The following AUTS2 variants were observed in gnomAD, a reference collection of about 807,000 sequenced individuals.
AUTS2 encodes the protein autism susceptibility gene 2 protein.
AUTS2 carries 17 observed loss-of-function variants against 112.4 expected under a neutral mutation model. The observed-to-expected ratio is 0.15, with a 90% CI of 0.10 to 0.23. The LOEUF is 0.23. AUTS2 is among the 10% of genes least tolerant of loss of function. AUTS2 has a pLI of 1.00. For missense variants in AUTS2, 1,510 were observed against 1,701.6 expected, an observed-to-expected ratio of 0.89 and a Z score of 1.98; for synonymous variants, 751 against 702.7, an observed-to-expected ratio of 1.07 and a Z score of -1.09.
intron 4 of AUTS2, among the ~76,000 whole-genome samples, chr7:70,233,379 G>T (rs1416595167): frequency 1.3e-5 from 2 of 152,136 alleles, no homozygotes; most frequent in African/African-American, 4.8e-5. Context: ...AATGGTATAG[G>T]AACTGTATAC....
intron 2 of AUTS2, among the ~76,000 whole-genome samples, chr7:70,002,597 G>C (rs975962715): frequency 2.6e-5 from 4 of 152,112 alleles, no homozygotes; most frequent in African/African-American, 9.7e-5. Context: ...GATTATGTTT[G>C]AAAATCCAAC....
chr7:70,711,181 C>T (rs1315777243), intron 6 of AUTS2, among the ~76,000 whole-genome samples: 1 of 152,018 alleles, frequency 6.6e-6, no homozygotes, highest in Non-Finnish European at 1.5e-5. Flanking sequence ...GCCTTCTTTC[C>T]TTCTCAGGGC....
chr7:70,659,333 G>A (rs940845980), intron 5 of AUTS2, among the ~76,000 whole-genome samples: 20 of 152,310 alleles, frequency 1.3e-4, no homozygotes, highest in African/African-American at 3.9e-4. Flanking sequence ...AATGACACCC[G>A]TATTCTGATA....
rs571718305 is a variant in AUTS2 at position 70,566,667 on chromosome 7, A to G, written c.690+130886A>G. ...TTCATGCTAAGTTAGCATGTCCAAAATATTGAAAAACAGATGAATGATCAA... is the reference window on the plus strand; with the variant it reads ...TTCATGCTAAGTTAGCATGTCCAAAGTATTGAAAAACAGATGAATGATCAA... On this transcript the variant is annotated intron_variant, in intron 5 of 18. Transcript: ENST00000342771. Among the ~76,000 whole-genome samples, 6 of 152,322 alleles carry G rather than the reference A, an allele frequency of 3.9e-5. No homozygotes were observed. In the South Asian group the frequency reaches 1.0e-3, roughly 26 times the overall value.
intron 8 of AUTS2, among the ~76,000 whole-genome samples, chr7:70,765,536 T>C (rs1789881695): frequency 6.6e-6 from 1 of 152,156 alleles, no homozygotes; most frequent in Non-Finnish European, 1.5e-5. Context: ...CTCACCTGTG[T>C]TAATCAGGTC....
At chr7:70,431,008 T>G (rs563296039) in intron 4 of AUTS2, among the ~76,000 whole-genome samples, 1 of 152,016 alleles carries the variant, frequency 6.6e-6, no homozygotes, top group Middle Eastern at 3.4e-3. Flanking sequence ...GCTAATTTTT[T>G]TTGTATTTTT....
chr7:70,684,977 G>A (rs1808398018), intron 5 of AUTS2, among the ~76,000 whole-genome samples: 2 of 152,268 alleles, frequency 1.3e-5, no homozygotes, highest in East Asian at 1.9e-4. Flanking sequence ...AAATGGCACC[G>A]TCACATATAA....
intron 2 of AUTS2, among the ~76,000 whole-genome samples, chr7:69,944,729 A>G (rs1194880996): frequency 6.6e-6 from 1 of 152,114 alleles, no homozygotes; most frequent in Non-Finnish European, 1.5e-5. Context: ...ATTCTTGGCT[A>G]AAACTTTTTG....
chr7:69,947,406 A>AT (rs1189294297), intron 2 of AUTS2, among the ~76,000 whole-genome samples: 1 of 152,240 alleles, frequency 6.6e-6, no homozygotes, highest in Admixed American at 6.5e-5. Context: ...AAAATCCTAA[A>AT]TGATTACTAA....
chr7:69,888,670 C>T (rs1321560574), intron 1 of AUTS2, among the ~76,000 whole-genome samples: 1 of 151,212 alleles, frequency 6.6e-6, no homozygotes, highest in African/African-American at 2.4e-5. Context: ...CAACTTCTAC[C>T]TCCTGGGTTC....
intron 4 of AUTS2, among the ~76,000 whole-genome samples, chr7:70,409,570 G>A (rs1794688772): frequency 1.3e-5 from 2 of 152,118 alleles, no homozygotes; most frequent in Admixed American, 1.3e-4. Flanking sequence ...TTATTGACTT[G>A]AGGAAGCAAT....
At chr7:69,943,745 T>G (rs1796710255) in intron 2 of AUTS2, among the ~76,000 whole-genome samples, 1 of 152,166 alleles carries the variant, frequency 6.6e-6, no homozygotes, top group Non-Finnish European at 1.5e-5. Context: ...AAAATAGGTA[T>G]GTATGTAAGT....
intron 17 of AUTS2, chr7:70,786,814 G>A (rs1791527140): frequency 3.0e-6 from 1 of 331,056 alleles, no homozygotes; most frequent in South Asian, 2.5e-5. Context: ...GTGGGTAGAG[G>A]AGACAGTGAC....
chr7:70,597,960 T>C (rs1215612946), intron 5 of AUTS2, among the ~76,000 whole-genome samples: 2 of 152,166 alleles, frequency 1.3e-5, no homozygotes, highest in South Asian at 2.1e-4. Flanking sequence ...GGGAGCACCA[T>C]TATAGTTGCA....
intron 4 of AUTS2, among the ~76,000 whole-genome samples, chr7:70,309,517 G>A (rs1242262519): frequency 6.6e-6 from 1 of 152,126 alleles, no homozygotes; most frequent in Non-Finnish European, 1.5e-5. Context: ...TATCCTTTCT[G>A]TACCAATACA....
chr7:70,449,114 C>T (rs1215741321), intron 5 of AUTS2, among the ~76,000 whole-genome samples: 1 of 152,146 alleles, frequency 6.6e-6, no homozygotes, highest in Non-Finnish European at 1.5e-5. Context: ...AATAACCAAA[C>T]CATCAGAAGG....
At chr7:70,675,514 G>T (rs530820455) in intron 5 of AUTS2, among the ~76,000 whole-genome samples, 2 of 152,086 alleles carry the variant, frequency 1.3e-5, no homozygotes, top group Admixed American at 1.3e-4. Flanking sequence ...AAAAAGAAAC[G>T]TTTGTTCCAG....
intron 5 of AUTS2, among the ~76,000 whole-genome samples, chr7:70,511,395 CTTAT>C (rs2116779914): frequency 6.8e-6 from 1 of 147,574 alleles, no homozygotes; most frequent in South Asian, 2.1e-4. Flanking sequence ...CCCTACCTCT[CTTAT>C]TTTTTTTTTC....
chr7:70,287,092 GA>G, intron 4 of AUTS2, among the ~76,000 whole-genome samples: 1 of 152,186 alleles, frequency 6.6e-6, no homozygotes, highest in Non-Finnish European at 1.5e-5. Context: ...TGGTTGCCTT[GA>G]TTTCTTCTAC....
Sources: allele counts gnomAD v4.1 joint callset (sites outside exome capture counted in the v4.1 genomes callset), GRCh38; gene constraint gnomAD v4.1.1; transcripts MANE v1.5; gene names NCBI Gene and HGNC (gene_info 2026-07-23, HGNC 2026-07-21).